The following WDR12 variants were observed in gnomAD, a reference collection of about 807,000 sequenced individuals.
WDR12 encodes the protein ribosome biogenesis protein WDR12.
Under a neutral mutation model 64.3 loss-of-function variants are expected in WDR12, and 42 were observed. That is an observed-to-expected ratio of 0.65 (90% CI 0.51 to 0.84). The LOEUF is 0.84. Ranked by LOEUF, WDR12 falls within the 40% of genes least tolerant of loss-of-function variation. The pLI is 0.00. For missense variants in WDR12, 469 were observed against 494.6 expected, an observed-to-expected ratio of 0.95 and a Z score of 0.49; for synonymous variants, 158 against 173.3, an observed-to-expected ratio of 0.91 and a Z score of 0.70.
chr2:202,888,480 G>GAC (rs1468113595), intron 8 of WDR12, among the ~76,000 whole-genome samples: 1 of 152,110 alleles, frequency 6.6e-6, no homozygotes, highest in Admixed American at 6.5e-5. Flanking sequence ...AGTCAACATT[G>GAC]ACATTGTCAC....
intron 6 of WDR12, 29 bp from the exon 7 acceptor site, chr2:202,894,655 CAT>C: frequency 6.4e-7 from 1 of 1,574,140 alleles, no homozygotes; most frequent in Non-Finnish European, 8.6e-7. Context: ...AGGGAAAAGA[CAT>C]ATGTAATATG....
rs1432407588 is a variant in WDR12 at position 202,876,581 on chromosome 2, A to G, written c.*4279T>C. On this transcript the variant is annotated 3_prime_UTR_variant, in exon 13 of 13. Coordinates refer to ENST00000261015, the MANE Select transcript of WDR12 (RefSeq NM_018256.4). ...GATATTATTGGAATATCCCTTGCAT[A>G]TAGTCTTAAAATGTCATATTTTTTC... The G allele has an allele frequency of 1.3e-5, 2 of 152,164 alleles. No individual in the cohort carries two copies. Among genetic ancestry groups the G allele is most frequent in the Non-Finnish European group, 2.9e-5 (2 of 68,042 alleles). The allele number at this position is 152,164 out of a possible 1,614,324, so 9.4% of individuals were successfully genotyped here. A position where few individuals can be genotyped will look rare whatever the true frequency, so the allele number is the denominator to read the frequency against.
At chr2:202,894,093 GTAA>G (rs1191987388) in intron 7 of WDR12, among the ~76,000 whole-genome samples, 1 of 152,038 alleles carries the variant, frequency 6.6e-6, no homozygotes, top group Non-Finnish European at 1.5e-5. Flanking sequence ...ACACTATCCT[GTAA>G]GTAAGGGGGT....
intron 2 of WDR12, among the ~76,000 whole-genome samples, chr2:202,902,814 C>G (rs1226496453): frequency 6.6e-6 from 1 of 152,136 alleles, no homozygotes; most frequent in African/African-American, 2.4e-5. Context: ...TAAACTCCCT[C>G]TCGGCTGTGC....
intron 6 of WDR12, among the ~76,000 whole-genome samples, chr2:202,895,208 T>C (rs542795922): frequency 5.9e-5 from 9 of 152,302 alleles, no homozygotes; most frequent in African/African-American, 2.2e-4. Context: ...AATACTTCAA[T>C]GTGGCTTAGG....
chr2:202,902,388 G>A (rs1251814090), intron 2 of WDR12, among the ~76,000 whole-genome samples: 1 of 152,192 alleles, frequency 6.6e-6, no homozygotes, highest in Non-Finnish European at 1.5e-5. Flanking sequence ...GCAAAGTATT[G>A]TTCCTGGGTG....
In WDR12 at chr2:202,880,004, T is replaced by C. The variant is rs1285754036; in HGVS notation, c.*856A>G. Reference sequence around the variant, plus strand: ...TGATCCACCTGCCTCGGCCTCCCAATGTGCTGGGATTACAGGTGTGAGCCA... The same window carrying C: ...TGATCCACCTGCCTCGGCCTCCCAACGTGCTGGGATTACAGGTGTGAGCCA... On this transcript the variant is annotated 3_prime_UTR_variant, in exon 13 of 13. Coordinates refer to ENST00000261015, the MANE Select transcript of WDR12 (RefSeq NM_018256.4). The C allele has an allele frequency of 6.6e-6, 1 of 150,646 alleles. No individual in the cohort carries two copies. The highest frequency in any genetic ancestry group is 2.4e-5 in the African/African-American group (1 of 40,952). The allele number at this position is 150,646 out of a possible 1,614,324, so 9.3% of individuals were successfully genotyped here. A position where few individuals can be genotyped will look rare whatever the true frequency, so the allele number is the denominator to read the frequency against.
intron 5 of WDR12, among the ~76,000 whole-genome samples, chr2:202,896,598 G>A (rs1430680730): frequency 6.6e-6 from 1 of 152,180 alleles, no homozygotes; most frequent in Non-Finnish European, 1.5e-5. Flanking sequence ...GGCTGAGGCA[G>A]GAGAATCACT....
At chr2:202,908,141 T>C (rs1173242646) in intron 1 of WDR12, among the ~76,000 whole-genome samples, 182 bp from the exon 2 acceptor site, 1 of 152,174 alleles carries the variant, frequency 6.6e-6, no homozygotes. Context: ...TGAAGTTTAG[T>C]AATCAAATAG....
chr2:202,876,857 G>T lies in WDR12; in HGVS notation c.*4003C>A. 6.5e-6 allele frequency: 1 copy of T among 152,744 alleles called. No homozygotes were observed. The highest frequency in any genetic ancestry group is 1.9e-4 in the South Asian group (1 of 5,252). The allele number at this position is 152,744 out of a possible 1,614,324, so 9.5% of individuals were successfully genotyped here. Reference sequence around the variant, plus strand: ...GAGGTGGGAGGATCCCTTGAGTCCGGGAGTTAGAGGCTGCAGTGAGCTATA... The same window carrying T: ...GAGGTGGGAGGATCCCTTGAGTCCGTGAGTTAGAGGCTGCAGTGAGCTATA... On this transcript the variant is annotated 3_prime_UTR_variant, in exon 13 of 13. Coordinates refer to ENST00000261015, the MANE Select transcript of WDR12 (RefSeq NM_018256.4).
intron 8 of WDR12, among the ~76,000 whole-genome samples, chr2:202,890,222 C>A (rs1393916264): frequency 2.6e-5 from 4 of 151,928 alleles, no homozygotes; most frequent in Admixed American, 2.0e-4. Flanking sequence ...GAGTGAGACC[C>A]TATCTCAATA....
intron 8 of WDR12, among the ~76,000 whole-genome samples, chr2:202,889,493 T>TA (rs1003737960): frequency 1.7e-4 from 26 of 151,872 alleles, no homozygotes; most frequent in Admixed American, 4.6e-4. Context: ...ACCATCTCTA[T>TA]AAAAAAATGA....
intron 4 of WDR12, among the ~76,000 whole-genome samples, chr2:202,897,970 G>A (rs945338842): frequency 7.2e-6 from 1 of 139,584 alleles, no homozygotes; most frequent in Non-Finnish European, 1.5e-5. Context: ...TTACTTTCAG[G>A]CTAGGTGTAT....
intron 8 of WDR12, 111 bp from the exon 9 acceptor site, chr2:202,884,646 T>C: frequency 9.1e-7 from 1 of 1,099,988 alleles, no homozygotes; most frequent in Non-Finnish European, 1.2e-6. Context: ...ACTGCCCATC[T>C]TTCATATCCT....
chr2:202,899,993 C>T (rs1046638101), intron 3 of WDR12, among the ~76,000 whole-genome samples: 4 of 152,146 alleles, frequency 2.6e-5, no homozygotes, highest in Admixed American at 2.0e-4. Flanking sequence ...AAATATTAAT[C>T]GCCTTGTACA....
chr2:202,901,137 C>A lies in WDR12; in HGVS notation c.137-18G>T. Reference sequence around the variant, plus strand: ...GTGGAACTCTGAGGAAAATACATAACAAAATTATCACTCTTAGTGTCTAAA... The same window carrying A: ...GTGGAACTCTGAGGAAAATACATAAAAAAATTATCACTCTTAGTGTCTAAA... On this transcript the variant is annotated intron_variant, in intron 2 of 12. Transcript: ENST00000261015. 6.4e-7 allele frequency: 1 copy of A among 1,572,424 alleles called. No homozygotes were observed. The highest frequency in any genetic ancestry group is 1.2e-5 in the South Asian group (1 of 86,214).
chr2:202,891,870 A>G (rs1276415056), intron 8 of WDR12, among the ~76,000 whole-genome samples: 1 of 152,200 alleles, frequency 6.6e-6, no homozygotes, highest in Non-Finnish European at 1.5e-5. Context: ...AGTCAAACTC[A>G]TGGAAGCACA....
chr2:202,883,925 G>A (rs1687999520), intron 10 of WDR12, among the ~76,000 whole-genome samples, 184 bp from the exon 11 acceptor site: 1 of 152,054 alleles, frequency 6.6e-6, no homozygotes, highest in South Asian at 2.1e-4. Context: ...TGATTCTCCT[G>A]CCTCAGCCTC....
At chr2:202,886,767 CA>C (rs60735682) in intron 8 of WDR12, among the ~76,000 whole-genome samples, 73 of 79,046 alleles carry the variant, frequency 9.2e-4, no homozygotes, top group East Asian at 3.3e-3. Flanking sequence ...AACTCCATCT[CA>C]AAAAAAAAAA....
Sources: allele counts gnomAD v4.1 joint callset (sites outside exome capture counted in the v4.1 genomes callset), GRCh38; gene constraint gnomAD v4.1.1; transcripts MANE v1.5; gene names NCBI Gene and HGNC (gene_info 2026-07-23, HGNC 2026-07-21).